Variants in STARD13 observed in about 807,000 individuals in gnomAD.
STARD13 encodes the protein stAR-related lipid transfer protein 13.
Under a neutral mutation model 106.4 loss-of-function variants are expected in STARD13, and 62 were observed. That is an observed-to-expected ratio of 0.58 (90% confidence interval 0.48 to 0.72). The LOEUF (loss-of-function observed/expected upper bound fraction) is 0.72. Among genes scored for constraint, STARD13 ranks in the 30% least tolerant of loss-of-function variants. The probability of loss-of-function intolerance (pLI) is 0.00; values close to 1 mark genes in which losing one functional copy is unlikely to be tolerated. For missense variants in STARD13, 1,387 were observed against 1,424.0 expected, an observed-to-expected ratio of 0.97 and a Z score of 0.42; for synonymous variants, 565 against 553.0, an observed-to-expected ratio of 1.02 and a Z score of -0.31.
the STARD13 span, among the ~76,000 whole-genome samples, chr13:33,612,862 C>G: frequency 6.6e-6 from 1 of 152,200 alleles, no homozygotes; most frequent in Non-Finnish European, 1.5e-5. Context: ...GATGTTCTGT[C>G]AAAGGCTCAT....
chr13:33,286,317 A>C (rs1892057278), upstream of STARD13, among the ~76,000 whole-genome samples: 1 of 152,118 alleles, frequency 6.6e-6, no homozygotes, highest in African/African-American at 2.4e-5. Flanking sequence ...ACAGATCCTG[A>C]CCCTCACGTG....
intron 3 of STARD13, among the ~76,000 whole-genome samples, chr13:33,146,711 C>T (rs909519291): frequency 7.2e-5 from 11 of 152,138 alleles, no homozygotes; most frequent in Non-Finnish European, 4.4e-5. Context: ...CAGATATTGT[C>T]AAAATCAACT....
the STARD13 span, chr13:33,610,897 G>A: frequency 1.3e-5 from 2 of 152,290 alleles, no homozygotes; most frequent in Non-Finnish European, 2.9e-5. Flanking sequence ...TCCTCCTGCT[G>A]TGACTAGTGT....
At chr13:33,523,943 A>G in the STARD13 span, among the ~76,000 whole-genome samples, 1 of 152,152 alleles carries the variant, frequency 6.6e-6, no homozygotes, top group Non-Finnish European at 1.5e-5. Context: ...AAAAATGAAG[A>G]GATGAATTGA....
chr13:33,149,908 C>T (rs1176305675), intron 3 of STARD13, among the ~76,000 whole-genome samples: 2 of 152,232 alleles, frequency 1.3e-5, no homozygotes, highest in Non-Finnish European at 2.9e-5. Flanking sequence ...ATCTGCTTCC[C>T]TTTAACTTAA....
At chr13:33,573,644 A>G in the STARD13 span, among the ~76,000 whole-genome samples, 1 of 152,212 alleles carries the variant, frequency 6.6e-6, no homozygotes, top group African/African-American at 2.4e-5. Context: ...TACATGTTTT[A>G]AAGTAAATAG....
chr13:33,118,933 T>A (rs928017254), intron 7 of STARD13, among the ~76,000 whole-genome samples: 1 of 152,228 alleles, frequency 6.6e-6, no homozygotes, highest in Non-Finnish European at 1.5e-5. Flanking sequence ...ATGGCTCTAG[T>A]GAGAATGATT....
At chr13:33,446,919 A>G in the STARD13 span, among the ~76,000 whole-genome samples, 2 of 152,236 alleles carry the variant, frequency 1.3e-5, no homozygotes, top group East Asian at 3.8e-4. Flanking sequence ...CACAGATGGC[A>G]TAGCCCACAT....
the STARD13 span, among the ~76,000 whole-genome samples, chr13:33,456,888 C>A: frequency 9.8e-5 from 15 of 152,308 alleles, no homozygotes; most frequent in African/African-American, 3.1e-4. Context: ...TTGTAACAGG[C>A]TACAATGACA....
chr13:33,168,827 T>A (rs941534559), intron 1 of STARD13, among the ~76,000 whole-genome samples: 2 of 152,212 alleles, frequency 1.3e-5, no homozygotes, highest in Non-Finnish European at 2.9e-5. Context: ...TTGGTATATG[T>A]TAGGAAAATA....
intron 1 of STARD13, among the ~76,000 whole-genome samples, chr13:33,329,744 C>T (rs1329797615): frequency 1.3e-5 from 2 of 148,410 alleles, no homozygotes; most frequent in Non-Finnish European, 3.0e-5. Flanking sequence ...GGCTTTGTCA[C>T]GCAGGCTGTA....
the STARD13 span, among the ~76,000 whole-genome samples, chr13:33,601,209 T>G: frequency 6.6e-6 from 1 of 151,588 alleles, no homozygotes; most frequent in Non-Finnish European, 1.5e-5. Context: ...TCAAAAAATG[T>G]TTTTGTTTTT....
intron 1 of STARD13, among the ~76,000 whole-genome samples, chr13:33,338,447 A>T (rs562126394): frequency 1.3e-5 from 2 of 152,202 alleles, no homozygotes; most frequent in Non-Finnish European, 2.9e-5. Context: ...GGTGATTTTG[A>T]TGATGAAATC....
chr13:33,385,668 T>A, the STARD13 span, among the ~76,000 whole-genome samples: 4 of 151,454 alleles, frequency 2.6e-5, no homozygotes, highest in Non-Finnish European at 4.4e-5. Context: ...GTGACCAGCC[T>A]TGCCAACGTG....
chr13:33,570,322 C>T, the STARD13 span, among the ~76,000 whole-genome samples: 1 of 147,736 alleles, frequency 6.8e-6, no homozygotes, highest in Non-Finnish European at 1.5e-5. Context: ...ATTGTGTAGT[C>T]ATACCATTTA....
intron 1 of STARD13, among the ~76,000 whole-genome samples, chr13:33,178,436 C>G (rs1425653409): frequency 6.6e-6 from 1 of 152,180 alleles, no homozygotes; most frequent in East Asian, 1.9e-4. Flanking sequence ...ATTTCAGGGA[C>G]TACTTCTGGG....
intron 1 of STARD13, among the ~76,000 whole-genome samples, chr13:33,279,267 A>G (rs915357671): frequency 6.6e-6 from 1 of 152,160 alleles, no homozygotes; most frequent in Non-Finnish European, 1.5e-5. Flanking sequence ...AATTGATACT[A>G]TTAAGACCAC....
chr13:33,647,777 G>A, the STARD13 span, among the ~76,000 whole-genome samples: 3 of 152,222 alleles, frequency 2.0e-5, no homozygotes, highest in South Asian at 6.2e-4. Flanking sequence ...GGCTCTAAAA[G>A]CTTATTCTGA....
intron 8 of STARD13, 69 bp from the exon 9 acceptor site, chr13:33,113,000 T>TA (rs2138078342): frequency 8.2e-7 from 1 of 1,216,428 alleles, no homozygotes; most frequent in East Asian, 2.4e-5. Context: ...AAGCACTGTG[T>TA]AAGCTCCACA....
Sources: allele counts gnomAD v4.1 joint callset (sites outside exome capture counted in the v4.1 genomes callset), GRCh38; gene constraint gnomAD v4.1.1; transcripts MANE v1.5; gene names NCBI Gene and HGNC (gene_info 2026-07-23, HGNC 2026-07-21).